Variants in CHN2 observed in about 807,000 individuals in gnomAD.
CHN2 encodes beta-chimaerin.
In CHN2, 35 loss-of-function variants were observed where a neutral mutation model predicts 56.3. The ratio of observed to expected loss-of-function variants is 0.62; its 90% CI spans 0.47 to 0.82. CHN2 has a LOEUF of 0.82. Among genes scored for constraint, CHN2 ranks in the 40% least tolerant of loss-of-function variants. CHN2 has a pLI of 0.00. For synonymous variants in CHN2, 210 were observed against 212.8 expected, an observed-to-expected ratio of 0.99 and a Z score of 0.12; for missense variants, 491 against 580.5, an observed-to-expected ratio of 0.85 and a Z score of 1.58.
At chr7:29,466,208 G>C (rs954542683) in intron 6 of CHN2, among the ~76,000 whole-genome samples, 4 of 145,170 alleles carry the variant, frequency 2.8e-5, no homozygotes, top group African/African-American at 7.7e-5. Context: ...AAAATAAAGA[G>C]AGAAAGAGAG....
At chr7:29,217,930 C>T (rs1398213860) in intron 1 of CHN2, among the ~76,000 whole-genome samples, 2 of 152,056 alleles carry the variant, frequency 1.3e-5, no homozygotes, top group Non-Finnish European at 2.9e-5. Context: ...CCAGGATTCC[C>T]TAGATGGCTT....
rs1791614132 is a variant in CHN2 at position 29,512,564 on chromosome 7, G to T, written c.1236G>T (p.Lys412Asn). ...TCTGTTCTATATGTTTGTTTTGCAG[G>T]GTTACTATGAATGAAAAAGACAATT... is the stretch of plus-strand genomic sequence containing the variant. ...TLRYLMIHLKKVTMNEKDNFM... is the reference protein window; with the variant it reads ...TLRYLMIHLKNVTMNEKDNFM... The change falls in exon 13 of 13, where the codon AAG (lysine) becomes AAT (asparagine). Residue 412 changes from lysine to asparagine, a missense_variant and splice_region_variant. Physicochemically the swap from Lys to Asn is moderately conservative, Grantham distance 94. Transcript: ENST00000222792. 1 of 1,611,158 alleles carries T rather than the reference G, an allele frequency of 6.2e-7. No homozygotes were observed. The highest frequency in any genetic ancestry group is 1.3e-5 in the African/African-American group (1 of 74,770).
At chr7:29,429,527 A>T (rs1805201228) in intron 6 of CHN2, among the ~76,000 whole-genome samples, 1 of 152,128 alleles carries the variant, frequency 6.6e-6, no homozygotes, top group Non-Finnish European at 1.5e-5. Context: ...GACAAGAAAC[A>T]CACAGGTTGC....
At chr7:29,464,254 C>T (rs1427379036) in intron 6 of CHN2, among the ~76,000 whole-genome samples, 4 of 152,114 alleles carry the variant, frequency 2.6e-5, no homozygotes, top group Non-Finnish European at 4.4e-5. Context: ...ATTAGTTTCC[C>T]GGACATTAGT....
intron 7 of CHN2, among the ~76,000 whole-genome samples, chr7:29,486,714 C>T (rs1233946888): frequency 6.6e-6 from 1 of 152,130 alleles, no homozygotes; most frequent in African/African-American, 2.4e-5. Context: ...CACACCCCAT[C>T]GCGTGTGCTC....
At chr7:29,247,661 C>G (rs1279447611) in intron 1 of CHN2, among the ~76,000 whole-genome samples, 2 of 152,228 alleles carry the variant, frequency 1.3e-5, no homozygotes, top group Admixed American at 1.3e-4. Flanking sequence ...AAAAGCCTCA[C>G]CGCCCCGATG....
At chr7:29,217,185 G>T (rs965645585) in intron 1 of CHN2, among the ~76,000 whole-genome samples, 1 of 152,164 alleles carries the variant, frequency 6.6e-6, no homozygotes, top group African/African-American at 2.4e-5. Flanking sequence ...GGAAAATCTG[G>T]TTTGTGCATA....
chr7:29,201,446 GCTGCT>G (rs1784155239), intron 1 of CHN2, among the ~76,000 whole-genome samples: 1 of 151,934 alleles, frequency 6.6e-6, no homozygotes, highest in Non-Finnish European at 1.5e-5. Context: ...CCTCATAGAG[GCTGCT>G]CTATTTAATT....
intron 5 of CHN2, among the ~76,000 whole-genome samples, chr7:29,399,814 G>T (rs1196725082): frequency 6.6e-6 from 1 of 152,238 alleles, no homozygotes; most frequent in East Asian, 1.9e-4. Context: ...TATATCATGC[G>T]CTCTAGGTGT....
intron 1 of CHN2, among the ~76,000 whole-genome samples, chr7:29,297,730 G>A (rs187896454): frequency 6.6e-6 from 1 of 152,104 alleles, no homozygotes; most frequent in Non-Finnish European, 1.5e-5. Context: ...CCAGTCCTAA[G>A]CCAACTAGTT....
intron 1 of CHN2, among the ~76,000 whole-genome samples, chr7:29,340,160 T>C (rs1272450028): frequency 1.3e-5 from 2 of 152,302 alleles, no homozygotes; most frequent in East Asian, 1.9e-4. Flanking sequence ...TTGAAGTTGT[T>C]CCATGAAATC....
chr7:29,224,104 G>C (rs1786009200), intron 1 of CHN2, among the ~76,000 whole-genome samples: 1 of 152,128 alleles, frequency 6.6e-6, no homozygotes, highest in Non-Finnish European at 1.5e-5. Flanking sequence ...ATGGCGGGAA[G>C]GACTGTCACA....
At chr7:29,303,834 C>A (rs1397494123) in intron 1 of CHN2, among the ~76,000 whole-genome samples, 1 of 152,168 alleles carries the variant, frequency 6.6e-6, no homozygotes, top group Non-Finnish European at 1.5e-5. Context: ...CTGAGGCTGG[C>A]AGATCACCTG....
chr7:29,231,244 A>T (rs1031706153), intron 1 of CHN2, among the ~76,000 whole-genome samples: 3 of 152,160 alleles, frequency 2.0e-5, no homozygotes, highest in African/African-American at 7.2e-5. Flanking sequence ...TACTTGGTCC[A>T]CTGTTTAAAT....
chr7:29,326,013 T>A (rs955262631), intron 1 of CHN2, among the ~76,000 whole-genome samples: 3 of 152,224 alleles, frequency 2.0e-5, no homozygotes, highest in African/African-American at 7.2e-5. Context: ...ATTCCCAGCA[T>A]GTGATTCTAA....
At chr7:29,354,114 A>G (rs534911241) in intron 1 of CHN2, among the ~76,000 whole-genome samples, 1 of 152,354 alleles carries the variant, frequency 6.6e-6, no homozygotes, top group South Asian at 2.1e-4. Flanking sequence ...ATGCAATTCC[A>G]ATGGAATCAT....
chr7:29,196,275 T>G (rs1012419160), intron 1 of CHN2, among the ~76,000 whole-genome samples: 3 of 152,206 alleles, frequency 2.0e-5, no homozygotes, highest in African/African-American at 4.8e-5. Flanking sequence ...CTTGGCAGAT[T>G]TACTTCCTGG....
intron 5 of CHN2, among the ~76,000 whole-genome samples, chr7:29,399,589 A>G (rs1470499145): frequency 2.0e-5 from 3 of 152,156 alleles, no homozygotes; most frequent in Admixed American, 1.3e-4. Flanking sequence ...TCAGAACTGA[A>G]TTGTCTTCCA....
intron 1 of CHN2, among the ~76,000 whole-genome samples, chr7:29,304,324 G>A (rs931371276): frequency 6.6e-6 from 1 of 152,158 alleles, no homozygotes; most frequent in Non-Finnish European, 1.5e-5. Context: ...TATATGGTGC[G>A]AGACGTAGCT....
Sources: gnomAD v4.1 joint callset for allele counts (sites outside exome capture counted in the v4.1 genomes callset) on GRCh38, gnomAD v4.1.1 for gene constraint, MANE v1.5 for transcripts, NCBI Gene and HGNC (gene_info 2026-07-23, HGNC 2026-07-21) for gene names.